SNAP29: variants seen among roughly 807,000 people sequenced by gnomAD.
The protein encoded by SNAP29 is synaptosome associated protein 29.
SNAP29 carries 13 observed loss-of-function variants against 27.9 expected under a neutral mutation model. That is an observed-to-expected ratio of 0.47 (90% CI 0.30 to 0.74). The LOEUF (loss-of-function observed/expected upper bound fraction) is 0.74. Ranked by LOEUF, SNAP29 falls within the 30% of genes least tolerant of loss-of-function variation. The pLI is 0.06. For synonymous variants in SNAP29, 119 were observed against 127.1 expected (o/e 0.94, Z 0.43); for missense variants, 368 against 336.5 (o/e 1.09, Z -0.73).
chr22:20,882,856 A>G (rs534342187), intron 3 of SNAP29, among the ~76,000 whole-genome samples: 19 of 152,364 alleles, frequency 1.2e-4, no homozygotes, highest in South Asian at 1.2e-3. Context: ...TTTCCCTGAA[A>G]GAGATAAACC....
chr22:20,865,810 G>A (rs1057157435), intron 1 of SNAP29, among the ~76,000 whole-genome samples: 1 of 152,210 alleles, frequency 6.6e-6, no homozygotes, highest in Non-Finnish European at 1.5e-5. Flanking sequence ...GGAGTCATGT[G>A]GACAACACTT....
chr22:20,878,693 G>T (rs1928808831), intron 2 of SNAP29, among the ~76,000 whole-genome samples: 1 of 152,148 alleles, frequency 6.6e-6, no homozygotes, highest in Non-Finnish European at 1.5e-5. Context: ...TGCAGGGGGA[G>T]GGCAAAAATT....
intron 2 of SNAP29, among the ~76,000 whole-genome samples, chr22:20,876,275 T>A (rs1327617630): frequency 1.9e-4 from 23 of 123,854 alleles, no homozygotes; most frequent in African/African-American, 5.8e-4. Flanking sequence ...TTTTTTTTTT[T>A]AAGACAATGT....
intron 2 of SNAP29, among the ~76,000 whole-genome samples, chr22:20,877,191 G>A (rs1425227371): frequency 6.6e-6 from 1 of 151,998 alleles, no homozygotes; most frequent in African/African-American, 2.4e-5. Context: ...TGGAGGTTGA[G>A]GTGGGCGGAT....
Position 20,883,556 on chromosome 22 carries a change from C to G in SNAP29, c.606C>G (p.Ile202Met). The change falls in exon 4 of 5, where the codon ATC (isoleucine) becomes ATG (methionine). Residue 202 changes from isoleucine (I) to methionine (M), a missense_variant. Coordinates refer to ENST00000215730, the MANE Select transcript of SNAP29 (RefSeq NM_004782.4). ...NPHLRAYHQK[I>M]DSNLDELSMG... ...ACCTTCGAGCCTATCACCAGAAGAT[C>G]GACAGCAACCTAGGTAAGACTGAGC... The G allele has an allele frequency of 6.2e-7, 1 of 1,610,132 alleles. No homozygotes were observed. The highest frequency in any genetic ancestry group is 8.5e-7 in the Non-Finnish European group (1 of 1,176,592).
rs747960930 is a variant in SNAP29, at chr22:20,887,883, C to CT, written c.*54dup. On this transcript the variant is annotated 3_prime_UTR_variant, in exon 5 of 5. Transcript: ENST00000215730. ...ATTGTGATGAAAAGATTTGAAAGAT[C>CT]TTTTTTTGAACTTCCAAGAAATTTC... The CT allele has an allele frequency of 4.4e-6, 7 of 1,578,616 alleles. No homozygotes were observed. In the South Asian group the frequency reaches 6.7e-5, roughly 15 times the overall value.
At chr22:20,874,551 G>A (rs1247732609) in intron 2 of SNAP29, among the ~76,000 whole-genome samples, 2 of 150,272 alleles carry the variant, frequency 1.3e-5, no homozygotes, top group African/African-American at 2.5e-5. Context: ...CTCCAGCCTG[G>A]GTGACAGAGT....
chr22:20,863,154 T>C (rs933462360), intron 1 of SNAP29, among the ~76,000 whole-genome samples: 15 of 152,196 alleles, frequency 9.9e-5, no homozygotes, highest in African/African-American at 3.6e-4. Context: ...CTCCCAGTGC[T>C]GGATTACAGG....
intron 1 of SNAP29, among the ~76,000 whole-genome samples, chr22:20,866,198 G>A (rs1205219646): frequency 6.6e-6 from 1 of 152,288 alleles, no homozygotes; most frequent in Non-Finnish European, 1.5e-5. Flanking sequence ...ACGGCGAGGG[G>A]CACCAGCACT....
At chr22:20,869,507 G>T (rs1928535481) in intron 1 of SNAP29, among the ~76,000 whole-genome samples, 1 of 152,198 alleles carries the variant, frequency 6.6e-6, no homozygotes, top group Non-Finnish European at 1.5e-5. Flanking sequence ...AATTGTGGAT[G>T]GGCTAGAGTC....
chr22:20,861,738 G>A (rs1350107816), intron 1 of SNAP29, among the ~76,000 whole-genome samples: 1 of 152,108 alleles, frequency 6.6e-6, no homozygotes, highest in East Asian at 1.9e-4. Flanking sequence ...CAGGTCAAGC[G>A]ATTCTCCTGC....
At chr22:20,861,724 C>T (rs938119017) in intron 1 of SNAP29, among the ~76,000 whole-genome samples, 2 of 152,042 alleles carry the variant, frequency 1.3e-5, no homozygotes, top group African/African-American at 4.8e-5. Context: ...CTACCTCTGC[C>T]TCCCAGGTCA....
intron 1 of SNAP29, among the ~76,000 whole-genome samples, chr22:20,861,117 G>T (rs1346048631): frequency 6.7e-5 from 7 of 105,028 alleles, no homozygotes; most frequent in Admixed American, 1.0e-4. Context: ...ACCTCCCTGT[G>T]GTTTTTTTTT....
At chr22:20,885,062 A>T (rs1928980989) in intron 4 of SNAP29, among the ~76,000 whole-genome samples, 1 of 152,198 alleles carries the variant, frequency 6.6e-6, no homozygotes, top group South Asian at 2.1e-4. Context: ...GGTGTGAGCC[A>T]CTGCGCCCTA....
Position 20,888,263 on chromosome 22 carries a change from G to T in SNAP29, c.*427G>T. 1 of 286,936 alleles carries T rather than the reference G, an allele frequency of 3.5e-6. No individual in the cohort carries two copies. Among genetic ancestry groups the T allele is most frequent in the Non-Finnish European group, 6.7e-6 (1 of 149,884 alleles). 17.8% of individuals were successfully genotyped at this position (286,936 alleles called of 1,614,324 possible). On this transcript the variant is annotated 3_prime_UTR_variant, in exon 5 of 5. Coordinates refer to ENST00000215730, the MANE Select transcript of SNAP29 (RefSeq NM_004782.4). ...TGTTAAGGGGGCCTGTGAACCAGTCGTTTGGTGGAGGAGGGTCCTTCCCAC... is the reference window on the plus strand; with the variant it reads ...TGTTAAGGGGGCCTGTGAACCAGTCTTTTGGTGGAGGAGGGTCCTTCCCAC...
In SNAP29 at chr22:20,881,041, A is replaced by T. The variant is rs765544308; in HGVS notation, c.435-8A>T. The T allele has an allele frequency of 1.4e-5, 22 of 1,589,600 alleles. No homozygotes were observed. The highest frequency in any genetic ancestry group is 1.8e-5 in the Non-Finnish European group (21 of 1,157,588). On this transcript the variant is annotated splice_region_variant and splice_polypyrimidine_tract_variant and intron_variant, in intron 2 of 4. Coordinates refer to ENST00000215730, the MANE Select transcript of SNAP29 (RefSeq NM_004782.4). ...AACGTTTTCTTTTTTGTGAACTTTT[A>T]TCCAAAGATTGAAAGAAGCTATAAG...
At chr22:20,859,806 G>A (rs1405939036) in intron 1 of SNAP29, among the ~76,000 whole-genome samples, 1 of 152,168 alleles carries the variant, frequency 6.6e-6, no homozygotes, top group Non-Finnish European at 1.5e-5. Flanking sequence ...ATACCCTGAA[G>A]CATCAGGGCA....
intron 2 of SNAP29, among the ~76,000 whole-genome samples, chr22:20,875,277 G>A (rs906717522): frequency 5.9e-5 from 9 of 152,116 alleles, no homozygotes; most frequent in East Asian, 1.9e-4. Context: ...ATGCGTTCCC[G>A]TCAAGGTCCC....
chr22:20,859,055 G>A lies in SNAP29; in HGVS notation c.-56G>A. On this transcript the variant is annotated 5_prime_UTR_variant, in exon 1 of 5. Transcript: ENST00000215730. The stretch of plus-strand genomic sequence containing the variant: ...GGCGGGCGGGGCGAGGCCCTGGACG[G>A]CGGCGGCAGTGGGGCTCCTCCTTCT... 6.9e-7 allele frequency: 1 copy of A among 1,459,326 alleles called. No homozygotes were observed. The highest frequency in any genetic ancestry group is 9.5e-7 in the Non-Finnish European group (1 of 1,054,476). The allele number at this position is 1,459,326 out of a possible 1,614,324, so 90.4% of individuals were successfully genotyped here.
Sources: gnomAD v4.1 joint callset for allele counts (sites outside exome capture counted in the v4.1 genomes callset) on GRCh38, gnomAD v4.1.1 for gene constraint, MANE v1.5 for transcripts, NCBI Gene and HGNC (gene_info 2026-07-23, HGNC 2026-07-21) for gene names.